The following CNTNAP2 variants were observed in gnomAD, a reference collection of about 807,000 sequenced individuals.
The protein encoded by CNTNAP2 is contactin associated protein 2.
CNTNAP2 carries 98 observed loss-of-function variants against 155.2 expected under a neutral mutation model. The ratio of observed to expected loss-of-function variants is 0.63; its 90% CI spans 0.54 to 0.75. CNTNAP2 has a LOEUF of 0.75. CNTNAP2 is among the 30% of genes least tolerant of loss of function. The pLI, the probability that CNTNAP2 is intolerant of heterozygous loss-of-function variation, is 0.00. For missense variants in CNTNAP2, 1,727 were observed against 1,688.1 expected (o/e 1.02, Z -0.40); for synonymous variants, 651 against 631.2 (o/e 1.03, Z -0.47).
intron 1 of CNTNAP2, among the ~76,000 whole-genome samples, chr7:146,497,323 A>C (rs1263675763): frequency 6.6e-6 from 1 of 152,184 alleles, no homozygotes; most frequent in Non-Finnish European, 1.5e-5. Flanking sequence ...TTGTTTATCT[A>C]TCTATATCTG....
intron 15 of CNTNAP2, among the ~76,000 whole-genome samples, chr7:148,057,516 C>T (rs1585101815): frequency 6.6e-6 from 1 of 152,144 alleles, no homozygotes; most frequent in Middle Eastern, 3.4e-3. Context: ...GGTTAGAATG[C>T]GTTTATGAGT....
chr7:146,373,387 T>C (rs1055417611), intron 1 of CNTNAP2, among the ~76,000 whole-genome samples: 13 of 144,380 alleles, frequency 9.0e-5, no homozygotes, highest in Admixed American at 4.0e-4. Context: ...CACAGAAAAA[T>C]AAAAGGAACT....
chr7:146,227,276 T>C (rs1236912888), intron 1 of CNTNAP2, among the ~76,000 whole-genome samples: 1 of 151,164 alleles, frequency 6.6e-6, no homozygotes, highest in Non-Finnish European at 1.5e-5. Flanking sequence ...AAATACAAAA[T>C]TATCTGGGTG....
intron 1 of CNTNAP2, among the ~76,000 whole-genome samples, chr7:146,629,287 T>G (rs1198900627): frequency 2.0e-5 from 3 of 152,166 alleles, no homozygotes; most frequent in Non-Finnish European, 4.4e-5. Flanking sequence ...AACGGGCTAA[T>G]GTAGGCATGA....
intron 1 of CNTNAP2, among the ~76,000 whole-genome samples, chr7:146,273,127 A>G (rs1277938300): frequency 6.6e-6 from 1 of 151,306 alleles, no homozygotes; most frequent in Non-Finnish European, 1.5e-5. Context: ...GAAAGGAGAC[A>G]TGGGGAGATA....
At position 148,147,729 on chromosome 7, in the gene CNTNAP2, C is replaced by A. The variant is rs1386028380; in HGVS notation, c.2773+20C>A. On this transcript the variant is annotated intron_variant, in intron 17 of 23. Coordinates refer to ENST00000361727, the MANE Select transcript of CNTNAP2 (RefSeq NM_014141.6). Reference sequence around the variant, plus strand: ...TTGTGGGTAAGTAATGGAAAGGTAACCATGGCTTCCCTCTGTTGATTTTTA... The same window carrying A: ...TTGTGGGTAAGTAATGGAAAGGTAAACATGGCTTCCCTCTGTTGATTTTTA... 6.2e-7 allele frequency: 1 copy of A among 1,607,514 alleles called. No homozygotes were observed. The highest frequency in any genetic ancestry group is 8.5e-7 in the Non-Finnish European group (1 of 1,176,234).
intron 14 of CNTNAP2, among the ~76,000 whole-genome samples, chr7:147,930,905 C>T (rs1800489512): frequency 6.6e-6 from 1 of 151,980 alleles, no homozygotes; most frequent in Admixed American, 6.6e-5. Context: ...GAAACATTTA[C>T]AAATGTATGA....
chr7:148,202,531 A>T (rs527829370), intron 18 of CNTNAP2, among the ~76,000 whole-genome samples: 1 of 152,366 alleles, frequency 6.6e-6, no homozygotes, highest in East Asian at 1.9e-4. Flanking sequence ...TTTATTTCAC[A>T]CAACAATGAA....
At chr7:147,581,867 G>A (rs999425919) in intron 12 of CNTNAP2, among the ~76,000 whole-genome samples, 1 of 152,052 alleles carries the variant, frequency 6.6e-6, no homozygotes, top group African/African-American at 2.4e-5. Context: ...ATTTCTAATT[G>A]ATTAAAGAAA....
Position 147,122,493 on chromosome 7 carries a change from C to T in CNTNAP2, c.939+1330C>T, listed in dbSNP as rs1297622497. On this transcript the variant is annotated intron_variant, in intron 6 of 23. Transcript: ENST00000361727. ...CATTCTTAAACAACAGCAATTATTACTAATGGGATGAGTGCTATTGCACTG... is the reference window on the plus strand; with the variant it reads ...CATTCTTAAACAACAGCAATTATTATTAATGGGATGAGTGCTATTGCACTG... The T allele has an allele frequency of 3.3e-5, 5 of 152,312 alleles. No individual in the cohort carries two copies. The East Asian group carries it at 9.7e-4, about 29-fold the overall frequency. The allele number at this position is 152,312 out of a possible 1,614,324, so 9.4% of individuals were successfully genotyped here.
At chr7:146,901,023 T>C (rs1228771501) in intron 3 of CNTNAP2, among the ~76,000 whole-genome samples, 1 of 136,888 alleles carries the variant, frequency 7.3e-6, no homozygotes, top group African/African-American at 2.8e-5. Flanking sequence ...CTATTCTGAT[T>C]AAAGTAGTAA....
intron 1 of CNTNAP2, among the ~76,000 whole-genome samples, chr7:146,574,392 C>A (rs1349336535): frequency 6.6e-6 from 1 of 151,980 alleles, no homozygotes; most frequent in Non-Finnish European, 1.5e-5. Context: ...TTAATTAATA[C>A]CAACTGGTTC....
At chr7:146,817,420 C>G (rs10231720) in intron 2 of CNTNAP2, among the ~76,000 whole-genome samples, 13,194 of 151,142 alleles carry the variant, frequency 0.087, 1,860 homozygotes, top group African/African-American at 0.3. Flanking sequence ...TGCAGTGAGC[C>G]GAGATCGTGC....
At chr7:148,228,602 T>A (rs1256556605) in intron 19 of CNTNAP2, among the ~76,000 whole-genome samples, 2 of 152,046 alleles carry the variant, frequency 1.3e-5, no homozygotes, top group East Asian at 3.9e-4. Flanking sequence ...GGCTGGCAGA[T>A]GACGAGGTCC....
chr7:146,685,597 G>C (rs1308444169), intron 1 of CNTNAP2, among the ~76,000 whole-genome samples: 1 of 151,984 alleles, frequency 6.6e-6, no homozygotes, highest in Non-Finnish European at 1.5e-5. Context: ...TTTTCACACA[G>C]AACAAATAAG....
At chr7:147,128,129 G>T (rs933404425) in intron 6 of CNTNAP2, among the ~76,000 whole-genome samples, 8 of 152,144 alleles carry the variant, frequency 5.3e-5, no homozygotes, top group Middle Eastern at 3.4e-3. Context: ...ATCCTAAGTG[G>T]TCCCTAATCA....
At chr7:147,445,016 A>G (rs1420994752) in intron 10 of CNTNAP2, among the ~76,000 whole-genome samples, 3 of 152,144 alleles carry the variant, frequency 2.0e-5, no homozygotes, top group Non-Finnish European at 2.9e-5. Flanking sequence ...CTTTCAAACA[A>G]CCAGATCTCT....
intron 3 of CNTNAP2, among the ~76,000 whole-genome samples, chr7:146,914,930 C>G (rs1222854873): frequency 1.3e-5 from 2 of 151,916 alleles, no homozygotes; most frequent in African/African-American, 4.8e-5. Flanking sequence ...ATGTTATCTT[C>G]TAGAATTTTT....
chr7:147,904,752 T>G (rs1292316175), intron 14 of CNTNAP2, among the ~76,000 whole-genome samples: 2 of 152,232 alleles, frequency 1.3e-5, no homozygotes, highest in African/African-American at 4.8e-5. Context: ...TATAACAAAT[T>G]ACAAAGCCTA....
Sources: allele counts gnomAD v4.1 joint callset (sites outside exome capture counted in the v4.1 genomes callset), GRCh38; gene constraint gnomAD v4.1.1; transcripts MANE v1.5; gene names NCBI Gene and HGNC (gene_info 2026-07-23, HGNC 2026-07-21).